SUN1: variants seen among roughly 807,000 people sequenced by gnomAD.
SUN1 encodes the protein SUN domain-containing protein 1.
SUN1 carries 61 observed loss-of-function variants against 103.2 expected under a neutral mutation model. The observed-to-expected ratio is 0.59, with a 90% CI of 0.48 to 0.73. The LOEUF (loss-of-function observed/expected upper bound fraction) is 0.73, where lower values mean the gene tolerates loss of function less well. Ranked by LOEUF, SUN1 falls within the 30% of genes least tolerant of loss-of-function variation. SUN1 has a pLI of 0.00. For missense variants in SUN1, 1,052 were observed against 1,034.6 expected (o/e 1.02, Z -0.23); for synonymous variants, 490 against 425.7 (o/e 1.15, Z -1.86).
upstream of SUN1, among the ~76,000 whole-genome samples, chr7:815,684 C>T (rs1443167681): frequency 6.6e-6 from 1 of 152,250 alleles, no homozygotes; most frequent in African/African-American, 2.4e-5. Flanking sequence ...CGGTGCAGTC[C>T]CCAGCACGGA....
intron 1 of SUN1, among the ~76,000 whole-genome samples, chr7:833,531 G>A (rs1015435348): frequency 2.0e-5 from 3 of 152,006 alleles, no homozygotes; most frequent in Non-Finnish European, 4.4e-5. Context: ...GGCCAATCTC[G>A]AGCTCCTGAC....
In SUN1 at chr7:851,372, TTCC is replaced by T; in HGVS notation, c.659-11_659-9del. 6.3e-7 allele frequency: 1 copy of T among 1,582,528 alleles called. No homozygotes were observed. The highest frequency in any genetic ancestry group is 8.6e-7 in the Non-Finnish European group (1 of 1,163,814). The stretch of plus-strand genomic sequence containing the variant: ...GCGTCTGTCTGAGGCCACACACGTC[TTCC>T]CTGCACAGGTTACTTCTTGCTGCAG... On this transcript the variant is annotated splice_polypyrimidine_tract_variant and intron_variant, in intron 5 of 18. Transcript: ENST00000401592.
intron 2 of SUN1, 55 bp from the exon 3 acceptor site, chr7:841,891 C>G (rs1325767131): frequency 5.1e-6 from 8 of 1,565,876 alleles, no homozygotes; most frequent in African/African-American, 1.4e-5. Context: ...CAAATGTAAT[C>G]ATTTTGTATT....
intron 1 of SUN1, among the ~76,000 whole-genome samples, chr7:823,358 G>A (rs1788202298): frequency 6.6e-6 from 1 of 152,174 alleles, no homozygotes; most frequent in Non-Finnish European, 1.5e-5. Flanking sequence ...GGGCTTCCTG[G>A]TGGTGGTATC....
At chr7:859,587 G>T (rs1830561006) in intron 13 of SUN1, among the ~76,000 whole-genome samples, 1 of 152,234 alleles carries the variant, frequency 6.6e-6, no homozygotes, top group Non-Finnish European at 1.5e-5. Context: ...TGGGAGGGCA[G>T]CTGTGATGAA....
intron 5 of SUN1, chr7:843,794 A>G: frequency 7.0e-7 from 1 of 1,421,134 alleles, no homozygotes; most frequent in South Asian, 1.6e-5. Context: ...CGAAACTAAT[A>G]AAACTACAGT....
At chr7:862,353 G>T (rs1033859462) in intron 15 of SUN1, among the ~76,000 whole-genome samples, 1 of 152,138 alleles carries the variant, frequency 6.6e-6, no homozygotes, top group African/African-American at 2.4e-5. Context: ...GGTTGCGCAG[G>T]ATCCTAATCC....
At chr7:830,985 C>G, upstream of SUN1, 1 of 985,452 alleles carries the variant, frequency 1.0e-6, no homozygotes, top group Non-Finnish European at 1.2e-6. Context: ...GGAGGGTAGC[C>G]TACATTGGAT....
At chr7:834,721 A>G (rs1021305455) in intron 1 of SUN1, among the ~76,000 whole-genome samples, 3 of 152,212 alleles carry the variant, frequency 2.0e-5, no homozygotes, top group Non-Finnish European at 4.4e-5. Flanking sequence ...TAGCAATTTC[A>G]GTAAACACTG....
chr7:822,288 C>G (rs181574109), intron 1 of SUN1, among the ~76,000 whole-genome samples: 26 of 152,262 alleles, frequency 1.7e-4, no homozygotes, highest in Admixed American at 1.5e-3. Context: ...CATGCTTGTT[C>G]TGTTGGTACT....
chr7:830,102 G>A (rs1584152915), upstream of SUN1, among the ~76,000 whole-genome samples: 1 of 152,246 alleles, frequency 6.6e-6, no homozygotes, highest in Non-Finnish European at 1.5e-5. Context: ...TCTGTTAAGG[G>A]GGAAGGAGGA....
chr7:848,433 A>C, intron 5 of SUN1: 1 of 1,360,096 alleles, frequency 7.4e-7, no homozygotes, highest in Non-Finnish European at 9.8e-7. Flanking sequence ...GCGTCTTTCT[A>C]CGTGAATAGG....
chr7:870,425 A>T (rs907990300), intron 17 of SUN1, among the ~76,000 whole-genome samples: 3 of 152,022 alleles, frequency 2.0e-5, no homozygotes, highest in African/African-American at 7.3e-5. Flanking sequence ...CCCTGTCTCT[A>T]CTAAAAATAC....
intron 7 of SUN1, 200 bp downstream of exon 7, chr7:852,243 C>A: frequency 1.6e-6 from 1 of 633,250 alleles, no homozygotes; most frequent in Non-Finnish European, 2.7e-6. Flanking sequence ...TTAAGGAAAA[C>A]AAATGTGCAG....
chr7:820,500 T>C (rs1230238074), intron 1 of SUN1, among the ~76,000 whole-genome samples: 1 of 152,204 alleles, frequency 6.6e-6, no homozygotes, highest in African/African-American at 2.4e-5. Context: ...TTTCTAGATA[T>C]GAGATCATGT....
At chr7:835,924 G>A (rs1802636019) in intron 1 of SUN1, among the ~76,000 whole-genome samples, 1 of 152,238 alleles carries the variant, frequency 6.6e-6, no homozygotes, top group Non-Finnish European at 1.5e-5. Context: ...TGTGGAAGCC[G>A]AAAGAAGAGA....
intron 1 of SUN1, among the ~76,000 whole-genome samples, chr7:820,907 T>C: frequency 6.6e-6 from 1 of 152,160 alleles, no homozygotes; most frequent in East Asian, 1.9e-4. Context: ...CTAGTGCCAC[T>C]ATTTTTGGAG....
chr7:826,570 G>T (rs1438214223), intron 1 of SUN1, among the ~76,000 whole-genome samples: 9 of 152,206 alleles, frequency 5.9e-5, no homozygotes, highest in African/African-American at 2.2e-4. Context: ...GGGCCTGTGT[G>T]TCCCCCCGTG....
upstream of SUN1, among the ~76,000 whole-genome samples, chr7:829,563 T>G (rs1351795763): frequency 3.3e-5 from 5 of 151,592 alleles, no homozygotes; most frequent in East Asian, 1.9e-4. Flanking sequence ...TTTTTTTGTT[T>G]TTTTTTTTTG....
Sources: gnomAD v4.1 joint callset for allele counts (sites outside exome capture counted in the v4.1 genomes callset) on GRCh38, gnomAD v4.1.1 for gene constraint, MANE v1.5 for transcripts, NCBI Gene and HGNC (gene_info 2026-07-23, HGNC 2026-07-21) for gene names.